Variants in AVEN observed in about 807,000 individuals in gnomAD.
AVEN encodes cell death regulator Aven.
A neutral mutation model predicts 38.1 loss-of-function variants in AVEN; 41 were observed. The observed-to-expected ratio is 1.08, with a 90% CI of 0.84 to 1.40. The LOEUF is 1.40. AVEN is among the 40% of genes most tolerant of loss of function. The probability of loss-of-function intolerance (pLI) is 0.00; values close to 1 mark genes in which losing one functional copy is unlikely to be tolerated. For missense variants in AVEN, 605 were observed against 438.8 expected, an observed-to-expected ratio of 1.38 and a Z score of -3.38; for synonymous variants, 206 against 171.8, an observed-to-expected ratio of 1.20 and a Z score of -1.56.
chr15:33,950,048 GC>G (rs995505207), intron 2 of AVEN, among the ~76,000 whole-genome samples: 2 of 152,152 alleles, frequency 1.3e-5, no homozygotes, highest in African/African-American at 4.8e-5. Context: ...AAGAAGGAAA[GC>G]CTGCTATTTG....
chr15:33,871,565 T>C (rs1411939408), intron 3 of AVEN, among the ~76,000 whole-genome samples: 2 of 150,228 alleles, frequency 1.3e-5, no homozygotes, highest in African/African-American at 4.9e-5. Flanking sequence ...TGAAACTCCA[T>C]CTCAAAAAAA....
At chr15:34,073,207 A>ATTTTTTTTT (rs761265891) in intron 1 of AVEN, among the ~76,000 whole-genome samples, 137 of 111,712 alleles carry the variant, frequency 1.2e-3, no homozygotes, top group African/African-American at 1.6e-3. Context: ...CGCCCGGCTA[A>ATTTTTTTTT]TTTTTTTTTT....
chr15:34,038,421 T>C (rs1201566350), intron 1 of AVEN, among the ~76,000 whole-genome samples: 1 of 152,016 alleles, frequency 6.6e-6, no homozygotes, highest in African/African-American at 2.4e-5. Flanking sequence ...CTCCGTCCCA[T>C]AGTGGTACTC....
At chr15:33,999,265 G>A (rs1323558198) in intron 2 of AVEN, among the ~76,000 whole-genome samples, 2 of 152,198 alleles carry the variant, frequency 1.3e-5, no homozygotes, top group African/African-American at 2.4e-5. Flanking sequence ...ATTCTCCCAA[G>A]GCCAACTCTC....
chr15:33,870,830 T>TC (rs1890915444), intron 4 of AVEN, 105 bp downstream of exon 4: 1 of 754,108 alleles, frequency 1.3e-6, no homozygotes, highest in Non-Finnish European at 2.0e-6. Context: ...CCCTCACTTT[T>TC]ATAAAGGGAA....
rs536437151 is a variant in AVEN, at chr15:33,968,421, T to C, written c.445+34611A>G. Among the ~76,000 whole-genome samples the C allele has an allele frequency of 2.6e-5, 4 of 152,256 alleles. No individual in the cohort carries two copies. The East Asian group carries it at 7.7e-4, about 29-fold the overall frequency. On this transcript the variant is annotated intron_variant, in intron 2 of 5. Coordinates refer to ENST00000306730, the MANE Select transcript of AVEN (RefSeq NM_020371.3). ...TACTGCTGTCCAGCAGGGGAAGTAA[T>C]TAATGAGTTTTTTATGTATGGCAGC...
chr15:33,854,012 T>C (rs1325300423), downstream of AVEN, among the ~76,000 whole-genome samples: 1 of 152,030 alleles, frequency 6.6e-6, no homozygotes, highest in Non-Finnish European at 1.5e-5. Context: ...GCCAACATAG[T>C]GAAACCCCGT....
chr15:33,974,144 T>A (rs1293968714), intron 2 of AVEN, among the ~76,000 whole-genome samples: 1 of 152,202 alleles, frequency 6.6e-6, no homozygotes, highest in Non-Finnish European at 1.5e-5. Flanking sequence ...TACTACTAGA[T>A]CTAGAATTTC....
chr15:34,025,712 GA>G (rs200928981), intron 1 of AVEN, among the ~76,000 whole-genome samples: 2,328 of 151,812 alleles, frequency 0.015, 71 homozygotes, highest in African/African-American at 0.053. Context: ...AGGTTCAGAA[GA>G]AAAAAAAATT....
chr15:33,975,351 G>C (rs1597295954), intron 2 of AVEN, among the ~76,000 whole-genome samples: 1 of 152,154 alleles, frequency 6.6e-6, no homozygotes, highest in African/African-American at 2.4e-5. Flanking sequence ...TAGAGCAAGA[G>C]GGCACAGGTT....
chr15:33,983,112 C>A (rs1397190652), intron 2 of AVEN, among the ~76,000 whole-genome samples: 2 of 148,132 alleles, frequency 1.4e-5, no homozygotes, highest in Non-Finnish European at 3.0e-5. Context: ...TAACCATATA[C>A]ATATATGTCC....
intron 2 of AVEN, among the ~76,000 whole-genome samples, chr15:33,940,308 TAGAG>T (rs1894264167): frequency 6.6e-6 from 1 of 152,224 alleles, no homozygotes; most frequent in Non-Finnish European, 1.5e-5. Flanking sequence ...CTTTCCAAAA[TAGAG>T]TAATGCCAAA....
intron 3 of AVEN, among the ~76,000 whole-genome samples, chr15:33,871,752 G>GTT (rs1890961618): frequency 7.5e-6 from 1 of 132,596 alleles, no homozygotes; most frequent in African/African-American, 2.8e-5. Context: ...TGTTGCGAAG[G>GTT]TTTCAAACGA....
intron 2 of AVEN, among the ~76,000 whole-genome samples, chr15:33,939,800 C>A (rs973555146): frequency 5.3e-5 from 8 of 152,070 alleles, no homozygotes; most frequent in Admixed American, 1.3e-4. Flanking sequence ...GGAGATGGGG[C>A]CATCGGGAAG....
At chr15:33,899,339 G>A (rs1030063068) in intron 2 of AVEN, among the ~76,000 whole-genome samples, 11 of 152,018 alleles carry the variant, frequency 7.2e-5, no homozygotes, top group African/African-American at 2.4e-4. Flanking sequence ...AGAAACAGCT[G>A]GAGGGTCCTC....
Position 34,046,358 on chromosome 15 carries a change from C to A in AVEN, n.1637+16564G>T, listed in dbSNP as rs370791254. ...AGTGAGGCAGGAAAAAAAAAAAAAA[C>A]GGGAAAAAGAGAAGGCAGAAAATCT... On this transcript the variant is annotated intron_variant and non_coding_transcript_variant, in intron 5 of 11. Transcript: ENST00000675287. 2.1e-3 allele frequency among the ~76,000 whole-genome samples: 239 copies of A among 113,272 alleles called. 1 individual carries two copies. Among genetic ancestry groups the A allele is most frequent in the Non-Finnish European group, 3.8e-3 (200 of 52,512 alleles). 74.3% of individuals were successfully genotyped at this position (113,272 alleles called of 152,430 possible). A position where few individuals can be genotyped will look rare whatever the true frequency, so the allele number is the denominator to read the frequency against.
chr15:33,877,720 G>A (rs377680190), intron 2 of AVEN, among the ~76,000 whole-genome samples: 1 of 152,192 alleles, frequency 6.6e-6, no homozygotes, highest in East Asian at 1.9e-4. Flanking sequence ...GGAGGCCGAG[G>A]CAGGCGGATC....
At chr15:33,962,782 T>A (rs542142745) in intron 2 of AVEN, among the ~76,000 whole-genome samples, 1 of 152,208 alleles carries the variant, frequency 6.6e-6, no homozygotes, top group South Asian at 2.1e-4. Context: ...TAGCCAGGCA[T>A]GAAGGCACAT....
At chr15:34,019,156 A>C (rs1217679857) in intron 1 of AVEN, among the ~76,000 whole-genome samples, 1 of 152,248 alleles carries the variant, frequency 6.6e-6, no homozygotes, top group African/African-American at 2.4e-5. Flanking sequence ...TCCCCACTCA[A>C]CCCAGTAAGT....
Sources: gnomAD v4.1 joint callset for allele counts (sites outside exome capture counted in the v4.1 genomes callset) on GRCh38, gnomAD v4.1.1 for gene constraint, MANE v1.5 for transcripts, NCBI Gene and HGNC (gene_info 2026-07-23, HGNC 2026-07-21) for gene names.